The following MAP3K11 variants were observed in gnomAD, a reference collection of about 807,000 sequenced individuals.
MAP3K11 encodes the protein SH3 domain-containing proline-rich kinase.
MAP3K11 carries 46 observed loss-of-function variants against 84.9 expected under a neutral mutation model. The ratio of observed to expected loss-of-function variants is 0.54; its 90% confidence interval spans 0.43 to 0.69. The LOEUF (loss-of-function observed/expected upper bound fraction) is 0.69, where lower values mean the gene tolerates loss of function less well. MAP3K11 is among the 30% of genes least tolerant of loss of function. The probability of loss-of-function intolerance (pLI) is 0.00; values close to 1 mark genes in which losing one functional copy is unlikely to be tolerated. For missense variants in MAP3K11, 1,053 were observed against 1,198.3 expected, an observed-to-expected ratio of 0.88 and a Z score of 1.79; for synonymous variants, 527 against 514.7, an observed-to-expected ratio of 1.02 and a Z score of -0.32.
chr11:65,602,202 C>CAAAA (rs34876918), intron 8 of MAP3K11, among the ~76,000 whole-genome samples: 1 of 90,304 alleles, frequency 1.1e-5, no homozygotes, highest in African/African-American at 4.5e-5. Flanking sequence ...GACTCCATCT[C>CAAAA]AAAAAAAAAA....
chr11:65,600,162 C>T (rs917864027), intron 8 of MAP3K11, among the ~76,000 whole-genome samples: 1 of 152,248 alleles, frequency 6.6e-6, no homozygotes, highest in African/African-American at 2.4e-5. Flanking sequence ...GCTCTGTGCC[C>T]ACCAGCTTCC....
chr11:65,607,552 C>A, intron 4 of MAP3K11, 39 bp from the exon 5 acceptor site: 1 of 1,549,600 alleles, frequency 6.5e-7, no homozygotes, highest in South Asian at 1.2e-5. Flanking sequence ...GTCAGCCTGG[C>A]ACCAATCCCG....
intron 8 of MAP3K11, among the ~76,000 whole-genome samples, chr11:65,604,748 G>A (rs1854489315): frequency 6.6e-6 from 1 of 150,452 alleles, no homozygotes; most frequent in South Asian, 2.1e-4. Context: ...GGAGGAGTGA[G>A]TTTAAACGGC....
chr11:65,602,385 C>T (rs542224766), intron 8 of MAP3K11, among the ~76,000 whole-genome samples: 3 of 152,284 alleles, frequency 2.0e-5, no homozygotes, highest in Admixed American at 6.5e-5. Context: ...GTGGTTCACG[C>T]TTGTAATCCC....
In MAP3K11 at chr11:65,599,653, G is replaced by A. The variant is rs926592880; in HGVS notation, c.1947C>T (p.Thr649=). 15 of 1,548,802 alleles carry A rather than the reference G, an allele frequency of 9.7e-6. No individual in the cohort carries two copies. The highest frequency in any genetic ancestry group is 4.8e-5 in the East Asian group (2 of 41,664). The part of the protein sequence containing the change: ...KLIQRALLRG[T]ALLASLGLGR... The stretch of plus-strand genomic sequence containing the variant: ...CAAGGCCCAGCGAGGCGAGCAGGGC[G>A]GTGCCGCGCAGCAGCGCCCGCTGGA... The change falls in exon 9 of 10, where the codon ACC becomes ACT. Residue 649 remains threonine, a synonymous_variant. Coordinates refer to ENST00000309100, the MANE Select transcript of MAP3K11 (RefSeq NM_002419.4).
chr11:65,607,357 G>A lies in MAP3K11; in HGVS notation c.1402C>T (p.Arg468Ter). ...TLLLQQVDRE[R>*]PHVRRRRGTF... The stretch of plus-strand genomic sequence containing the variant: ...CCGCGGCGGCGGCGCACGTGCGGTC[G>A]CTCGCGGTCCACCTGCTGCAGCAGC... Residue 468 changes from arginine (R) to a stop codon, truncating the protein, a stop_gained, in exon 5 of 10, where the codon CGA becomes TGA. Coordinates refer to ENST00000309100, the MANE Select transcript of MAP3K11 (RefSeq NM_002419.4). LOFTEE classifies it high-confidence loss of function. 6.7e-7 allele frequency: 1 copy of A among 1,498,202 alleles called. No homozygotes were observed. The highest frequency in any genetic ancestry group is 1.4e-5 in the African/African-American group (1 of 69,624). The allele number at this position is 1,498,202 out of a possible 1,614,324, so 92.8% of individuals were successfully genotyped here.
At chr11:65,599,337 CCTCCCTGGGAACCCCCGT>C (rs1301830822) in intron 9 of MAP3K11, 39 bp downstream of exon 9, 149 of 1,482,600 alleles carry the variant, frequency 1.0e-4, no homozygotes, top group Non-Finnish European at 1.2e-4. Flanking sequence ...GCCACTCCTC[CCTCCCTGGGAACCCCCGT>C]CTCCCATATG....
In MAP3K11 at chr11:65,599,588, C is replaced by G. The variant is rs781052493; in HGVS notation, c.2012G>C (p.Arg671Pro). The G allele has an allele frequency of 6.6e-7, 1 of 1,519,356 alleles. No individual in the cohort carries two copies. The highest frequency in any genetic ancestry group is 8.8e-7 in the Non-Finnish European group (1 of 1,142,376). 94.1% of individuals were successfully genotyped at this position (1,519,356 alleles called of 1,614,324 possible). A position where few individuals can be genotyped will look rare whatever the true frequency, so the allele number is the denominator to read the frequency against. The change falls in exon 9 of 10, where the codon CGC becomes CCC. Residue 671 changes from arginine (R) to proline (P), a missense_variant. Coordinates refer to ENST00000309100, the MANE Select transcript of MAP3K11 (RefSeq NM_002419.4). The part of the protein sequence containing the change: ...LQPPGGPGRE[R>P]GESPTTPPTP... Reference sequence around the variant, plus strand: ...GGGGGGTGTTGTCGGGGACTCCCCGCGCTCGCGTCCTGGGCCTCCCGGCGG... The same window carrying G: ...GGGGGGTGTTGTCGGGGACTCCCCGGGCTCGCGTCCTGGGCCTCCCGGCGG...
Position 65,598,070 on chromosome 11 carries a change from G to C in MAP3K11, c.*221C>G. On this transcript the variant is annotated 3_prime_UTR_variant, in exon 10 of 10. Coordinates refer to ENST00000309100, the MANE Select transcript of MAP3K11 (RefSeq NM_002419.4). ...CTGGGTACAGTGTTGGGCCCCAGTAGGGCAGGTGAGCTGGGGGGACCTACA... is the reference window on the plus strand; with the variant it reads ...CTGGGTACAGTGTTGGGCCCCAGTACGGCAGGTGAGCTGGGGGGACCTACA... The C allele has an allele frequency of 2.5e-6, 1 of 406,150 alleles. No homozygotes were observed. The highest frequency in any genetic ancestry group is 4.3e-6 in the Non-Finnish European group (1 of 230,146). 25.2% of individuals were successfully genotyped at this position (406,150 alleles called of 1,614,324 possible).
Position 65,607,733 on chromosome 11 carries a change from G to T in MAP3K11, c.1153C>A (p.Arg385=). 1 of 1,613,810 alleles carries T rather than the reference G, an allele frequency of 6.2e-7. No individual in the cohort carries two copies. Among genetic ancestry groups the T allele is most frequent in the Non-Finnish European group, 8.5e-7 (1 of 1,179,896 alleles). ...TGGAAGGAGTCCCGCGGCATTTCCC[G>T]TAGGACCTGTGCCTCCAGCGCCTCC... is the stretch of plus-strand genomic sequence containing the variant. The part of the protein sequence containing the change: ...QLEALEAQVL[R]EMPRDSFHSM... Residue 385 remains arginine, a synonymous_variant, in exon 4 of 10, where the codon CGG becomes AGG. Transcript: ENST00000309100.
In MAP3K11 at chr11:65,599,612, G is replaced by A. The variant is rs761204178; in HGVS notation, c.1988C>T (p.Pro663Leu). 1.1e-4 allele frequency: 167 copies of A among 1,541,604 alleles called. No homozygotes were observed. Among genetic ancestry groups the A allele is most frequent in the Non-Finnish European group, 1.3e-4 (148 of 1,150,066 alleles). Residue 663 changes from proline to leucine, a missense_variant, in exon 9 of 10, where the codon CCG becomes CTG. Pro to Leu is a moderately conservative substitution (Grantham distance 98). Transcript: ENST00000309100. Reference sequence around the variant, plus strand: ...GCGCTCGCGTCCTGGGCCTCCCGGCGGCTGCAGGTCGCGGCCAAGGCCCAG... The same window carrying A: ...GCGCTCGCGTCCTGGGCCTCCCGGCAGCTGCAGGTCGCGGCCAAGGCCCAG... ...ASLGLGRDLQ[P>L]PGGPGRERGE...
rs757033710 is a variant in MAP3K11 at position 65,613,622 on chromosome 11, C to G, written c.135G>C (p.Val45=). The change falls in exon 1 of 10, where the codon GTG becomes GTC. Residue 45 remains valine, a synonymous_variant. Coordinates refer to ENST00000309100, the MANE Select transcript of MAP3K11 (RefSeq NM_002419.4). The stretch of plus-strand genomic sequence containing the variant: ...GCTCGTAGTCGAACAGGGCTGTCCA[C>G]ACCGGGTTGGCATAACCCGCTGCCT... ...SPKAAGYANP[V]WTALFDYEPS... 1 of 1,613,058 alleles carries G rather than the reference C, an allele frequency of 6.2e-7. No homozygotes were observed. Among genetic ancestry groups the G allele is most frequent in the South Asian group, 1.1e-5 (1 of 91,090 alleles).
Position 65,607,826 on chromosome 11 carries a change from C to T in MAP3K11, c.1070-10G>A. On this transcript the variant is annotated splice_polypyrimidine_tract_variant and intron_variant, in intron 3 of 9. Coordinates refer to ENST00000309100, the MANE Select transcript of MAP3K11 (RefSeq NM_002419.4). The stretch of plus-strand genomic sequence containing the variant: ...TCCTGCGCCCAGCAGTCTAGGGGCA[C>T]GGCGTGCAGCGGGGACAGAATAAGA... 3 of 1,607,730 alleles carry T rather than the reference C, an allele frequency of 1.9e-6. No homozygotes were observed. Among genetic ancestry groups the T allele is most frequent in the Non-Finnish European group, 2.6e-6 (3 of 1,175,530 alleles).
chr11:65,604,948 T>C lies in MAP3K11; in HGVS notation c.1831+813A>G, dbSNP rs560841756. 7.9e-5 allele frequency among the ~76,000 whole-genome samples: 12 copies of C among 152,242 alleles called. No homozygotes were observed. In the South Asian group the frequency reaches 2.1e-3, roughly 26 times the overall value. On this transcript the variant is annotated intron_variant, in intron 8 of 9. Coordinates refer to ENST00000309100, the MANE Select transcript of MAP3K11 (RefSeq NM_002419.4). ...GAGTGAGCCCTCCTCCCTGCAATGC[T>C]GGAGCCCTGCCTTCTGCCTGACCCT...
Position 65,613,084 on chromosome 11 carries a change from C to A in MAP3K11, c.673G>T (p.Gly225Trp). 1 of 1,542,762 alleles carries A rather than the reference C, an allele frequency of 6.5e-7. No individual in the cohort carries two copies. The highest frequency in any genetic ancestry group is 8.7e-7 in the Non-Finnish European group (1 of 1,144,660). ...LVNWAVQIARGMHYLHCEALV... is the reference protein window; with the variant it reads ...LVNWAVQIARWMHYLHCEALV... ...GCCTCGCAGTGCAGGTAGTGCATCC[C>A]ACGGGCAATCTGCACAGCCCAGTTG... Residue 225 changes from glycine (G) to tryptophan (W), a missense_variant, in exon 1 of 10, where the codon GGG becomes TGG. Transcript: ENST00000309100.
chr11:65,606,206 C>G (rs528040778), intron 6 of MAP3K11, 125 bp from the exon 7 acceptor site: 1 of 1,153,760 alleles, frequency 8.7e-7, no homozygotes, highest in East Asian at 2.9e-5. Context: ...CCAGGGTGAG[C>G]TTTGGGCAAG....
Position 65,614,058 on chromosome 11 carries a change from C to T in MAP3K11, c.-302G>A, listed in dbSNP as rs1376484322. ...AGCTTCCCTCGGTTCTGGAGCAGTC[C>T]TGGGAGCCTGGCTCCGGCCCCCGCC... On this transcript the variant is annotated 5_prime_UTR_variant, in exon 1 of 10. Transcript: ENST00000309100. 3 of 353,192 alleles carry T rather than the reference C, an allele frequency of 8.5e-6. No homozygotes were observed. The highest frequency in any genetic ancestry group is 6.3e-5 in the African/African-American group (3 of 47,416). 21.9% of individuals were successfully genotyped at this position (353,192 alleles called of 1,614,324 possible).
In MAP3K11 at chr11:65,613,133, C is replaced by T. The variant is rs146665833; in HGVS notation, c.624G>A (p.Arg208=). The T allele has an allele frequency of 1.7e-5, 27 of 1,589,508 alleles. No homozygotes were observed. In the African/African-American group the frequency reaches 3.2e-4, roughly 19 times the overall value. The change falls in exon 1 of 10, where the codon CGG becomes CGA. Residue 208 remains arginine, a synonymous_variant. Transcript: ENST00000309100. ...GGPLSRALAG[R]RVPPHVLVNW... Reference sequence around the variant, plus strand: ...TGACCAGCACATGGGGAGGCACGCGCCGCCCGGCCAGAGCTCGGCTGAGGG... The same window carrying T: ...TGACCAGCACATGGGGAGGCACGCGTCGCCCGGCCAGAGCTCGGCTGAGGG...
chr11:65,607,996 T>C lies in MAP3K11; in HGVS notation c.995A>G (p.Tyr332Cys), dbSNP rs774055831. Residue 332 changes from tyrosine to cysteine, a missense_variant, in exon 3 of 10, where the codon TAT (tyrosine) becomes TGT (cysteine). Tyr to Cys is a radical substitution (Grantham distance 194, BLOSUM62 -2). Coordinates refer to ENST00000309100, the MANE Select transcript of MAP3K11 (RefSeq NM_002419.4). ...TGTGAGCTTGTTAACAGCTACGCCA[T>C]AGGCCACAGCAAGGCAGTCAATGCC... is the stretch of plus-strand genomic sequence containing the variant. ...YRGIDCLAVA[Y>C]GVAVNKLTLP... is the part of the protein sequence containing the mutation. The C allele has an allele frequency of 6.2e-7, 1 of 1,614,140 alleles. No individual in the cohort carries two copies. The highest frequency in any genetic ancestry group is 8.5e-7 in the Non-Finnish European group (1 of 1,180,016).
Sources: gnomAD v4.1 joint callset for allele counts (sites outside exome capture counted in the v4.1 genomes callset) on GRCh38, gnomAD v4.1.1 for gene constraint, MANE v1.5 for transcripts, NCBI Gene and HGNC (gene_info 2026-07-23, HGNC 2026-07-21) for gene names.